The following PCDHGA6 variants were observed in gnomAD, a reference collection of about 807,000 sequenced individuals.
The protein encoded by PCDHGA6 is protocadherin gamma subfamily A, 6, also known as protocadherin gamma-A6.
PCDHGA6 carries 41 observed loss-of-function variants against 60.6 expected under a neutral mutation model. The observed-to-expected ratio is 0.68, with a 90% CI of 0.53 to 0.88. PCDHGA6 has a LOEUF of 0.88. Among genes scored for constraint, PCDHGA6 ranks in the 40% least tolerant of loss-of-function variants. The probability of loss-of-function intolerance (pLI) is 0.00; values close to 1 mark genes in which losing one functional copy is unlikely to be tolerated. For synonymous variants in PCDHGA6, 594 were observed against 524.4 expected, an observed-to-expected ratio of 1.13 and a Z score of -1.81; for missense variants, 1,312 against 1,203.0, an observed-to-expected ratio of 1.09 and a Z score of -1.34.
rs780241180 is a variant in PCDHGA6, at chr5:141,490,819, C to A, written c.2425-3988C>A. On this transcript the variant is annotated intron_variant, in intron 1 of 3. Transcript: ENST00000517434. The surrounding 1 kb of genome is among the most constrained non-coding windows in gnomAD (Gnocchi z 5.4). ...CCAGCGTACCTTTGACTATGAATTGCTGCAGATGCTGCAGATTGTGGTGGG... is the reference window on the plus strand; with the variant it reads ...CCAGCGTACCTTTGACTATGAATTGATGCAGATGCTGCAGATTGTGGTGGG... 3 of 1,613,842 alleles carry A rather than the reference C, an allele frequency of 1.9e-6. No individual in the cohort carries two copies. The highest frequency in any genetic ancestry group is 2.5e-6 in the Non-Finnish European group (3 of 1,179,804).
At chr5:141,481,024 C>CTGGA (rs1200299352) in intron 1 of PCDHGA6, among the ~76,000 whole-genome samples, 3 of 152,122 alleles carry the variant, frequency 2.0e-5, no homozygotes, top group Admixed American at 1.3e-4. Flanking sequence ...CACCACTGCA[C>CTGGA]TCCAGCCTGG....
At chr5:141,394,436 C>T in intron 1 of PCDHGA6, 1 of 1,614,234 alleles carries the variant, frequency 6.2e-7, no homozygotes, top group South Asian at 1.1e-5. Context: ...GGGACCCGCC[C>T]CTCAGCAGCA....
chr5:141,476,656 T>C lies in PCDHGA6; in HGVS notation c.2425-18151T>C. 1 of 1,614,210 alleles carries C rather than the reference T, an allele frequency of 6.2e-7. No individual in the cohort carries two copies. Among genetic ancestry groups the C allele is most frequent in the Non-Finnish European group, 8.5e-7 (1 of 1,180,044 alleles). On this transcript the variant is annotated intron_variant, in intron 1 of 3. Coordinates refer to ENST00000517434, the MANE Select transcript of PCDHGA6 (RefSeq NM_018919.3). This position sits in a 1 kb window ranked among gnomAD's most constrained non-coding sequence, Gnocchi z 7.6. ...ATGAGCTGAGCCGAAATGAATACTT[T>C]GCGCTTCGCGTGCAGACGCGGGAGG...
chr5:141,400,867 C>A (rs1005203103), intron 1 of PCDHGA6, among the ~76,000 whole-genome samples: 37 of 152,162 alleles, frequency 2.4e-4, no homozygotes, highest in African/African-American at 8.9e-4. Context: ...TGTAGATAAA[C>A]CATTAAATTT....
At chr5:141,446,221 T>C (rs2098493855) in intron 1 of PCDHGA6, among the ~76,000 whole-genome samples, 1 of 152,164 alleles carries the variant, frequency 6.6e-6, no homozygotes, top group African/African-American at 2.4e-5. Flanking sequence ...AATATTGTTG[T>C]GTTGCCTGGC....
intron 1 of PCDHGA6, among the ~76,000 whole-genome samples, chr5:141,382,019 G>T (rs1777875192): frequency 6.6e-6 from 1 of 151,628 alleles, no homozygotes; most frequent in South Asian, 2.1e-4. Flanking sequence ...AGTAGAGACG[G>T]GGTTTCTCCA....
chr5:141,427,381 T>G (rs1315804574), intron 1 of PCDHGA6: 1 of 458,822 alleles, frequency 2.2e-6, no homozygotes, highest in Middle Eastern at 3.2e-4. Context: ...GTGATCACTC[T>G]GTTCAAAACA....
At chr5:141,508,324 G>A (rs1668975090) in intron 3 of PCDHGA6, 1 of 151,252 alleles carries the variant, frequency 6.6e-6, no homozygotes, top group African/African-American at 2.4e-5. Flanking sequence ...GAGGGGCACT[G>A]GAGAACTGAC....
At chr5:141,410,479 G>A in intron 1 of PCDHGA6, 2 of 1,613,956 alleles carry the variant, frequency 1.2e-6, no homozygotes, top group Non-Finnish European at 1.7e-6. Flanking sequence ...TTGCACATAC[G>A]GGTACAAAAG....
At chr5:141,439,266 G>A (rs1314903524) in intron 1 of PCDHGA6, among the ~76,000 whole-genome samples, 1 of 151,952 alleles carries the variant, frequency 6.6e-6, no homozygotes, top group Non-Finnish European at 1.5e-5. Context: ...TCAGCCAACA[G>A]TTCATTCTGA....
In PCDHGA6 at chr5:141,374,003, C is replaced by A; in HGVS notation, c.-81C>A. 1 of 1,320,442 alleles carries A rather than the reference C, an allele frequency of 7.6e-7. No homozygotes were observed. 81.8% of individuals were successfully genotyped at this position (1,320,442 alleles called of 1,614,324 possible). On this transcript the variant is annotated 5_prime_UTR_variant, in exon 1 of 4. Transcript: ENST00000517434. ...TCTCTGCTTGTTGAAGGACCTTCAC[C>A]GCTATTTCTGAGAAGAGCAAAAGTG... is the stretch of plus-strand genomic sequence containing the variant.
At chr5:141,475,583 G>A (rs1181419200) in intron 1 of PCDHGA6, among the ~76,000 whole-genome samples, 1 of 152,198 alleles carries the variant, frequency 6.6e-6, no homozygotes, top group Non-Finnish European at 1.5e-5. Context: ...CAGATTTGTT[G>A]GTGTTTTTCC....
intron 1 of PCDHGA6, among the ~76,000 whole-genome samples, chr5:141,456,845 C>T (rs1308477735): frequency 6.6e-6 from 1 of 152,092 alleles, no homozygotes; most frequent in African/African-American, 2.4e-5. Context: ...CGCCTGTAAT[C>T]CCAGCTAATT....
chr5:141,489,477 G>C lies in PCDHGA6; in HGVS notation c.2425-5330G>C, dbSNP rs2154581232. 1.9e-6 allele frequency: 3 copies of C among 1,614,108 alleles called. No homozygotes were observed. Among genetic ancestry groups the C allele is most frequent in the Non-Finnish European group, 2.5e-6 (3 of 1,180,034 alleles). ...ATGGGCGCTATTTTTCCCTGAGCTT[G>C]ATGAGTGGTGCCCTGGCAGTGAATC... is the stretch of plus-strand genomic sequence containing the variant. On this transcript the variant is annotated intron_variant, in intron 1 of 3. Coordinates refer to ENST00000517434, the MANE Select transcript of PCDHGA6 (RefSeq NM_018919.3). This position sits in a 1 kb window ranked among gnomAD's most constrained non-coding sequence, Gnocchi z 4.5.
intron 1 of PCDHGA6, chr5:141,384,711 G>A (rs765373675): frequency 2.5e-6 from 4 of 1,614,042 alleles, no homozygotes; most frequent in East Asian, 2.2e-5. Flanking sequence ...ACGCCTGGCT[G>A]TCATACCTCC....
At chr5:141,479,366 T>A (rs2099494042) in intron 1 of PCDHGA6, 1 of 152,302 alleles carries the variant, frequency 6.6e-6, no homozygotes, top group Non-Finnish European at 1.5e-5. Flanking sequence ...GTGCCTGAGG[T>A]GGGAGGATTG....
rs1189175823 is a variant in PCDHGA6 at position 141,422,087 on chromosome 5, G to T, written c.2424+45580G>T. 2 of 1,611,966 alleles carry T rather than the reference G, an allele frequency of 1.2e-6. No individual in the cohort carries two copies. ...ATGTATTCATTTCGGAACATGGAAA[G>T]CAAGGCTTCTGAAATATTCCAATTG... is the stretch of plus-strand genomic sequence containing the variant. On this transcript the variant is annotated intron_variant, in intron 1 of 3. Transcript: ENST00000517434.
At chr5:141,423,497 A>G in intron 1 of PCDHGA6, 4 of 1,613,940 alleles carry the variant, frequency 2.5e-6, no homozygotes, top group Non-Finnish European at 3.4e-6. Flanking sequence ...TATTCCCACG[A>G]GGTCTCTCTC....
chr5:141,403,088 G>C (rs1561685667), intron 1 of PCDHGA6: 2 of 1,614,030 alleles, frequency 1.2e-6, no homozygotes, highest in Non-Finnish European at 1.7e-6. Context: ...CTATATTGTG[G>C]GCAACATCTC....
Sources: gnomAD v4.1 joint callset for allele counts (sites outside exome capture counted in the v4.1 genomes callset) on GRCh38, gnomAD v4.1.1 for gene constraint, Gnocchi (gnomAD v3.1) non-coding constraint, MANE v1.5 for transcripts, NCBI Gene and HGNC (gene_info 2026-07-23, HGNC 2026-07-21) for gene names.